JAM3: variants seen among roughly 807,000 people sequenced by gnomAD.
JAM3 encodes junctional adhesion molecule C.
Under a neutral mutation model 39.4 loss-of-function variants are expected in JAM3, and 31 were observed. That is an observed-to-expected ratio of 0.79 (90% CI 0.59 to 1.06). The LOEUF (loss-of-function observed/expected upper bound fraction) is 1.06. Among genes scored for constraint, JAM3 ranks in the 50% least tolerant of loss-of-function variants. JAM3 has a pLI of 0.00. For missense variants in JAM3, 455 were observed against 391.4 expected, an observed-to-expected ratio of 1.16 and a Z score of -1.37; for synonymous variants, 182 against 148.7, an observed-to-expected ratio of 1.22 and a Z score of -1.63.
chr11:134,077,943 C>T (rs1254330679), intron 1 of JAM3, among the ~76,000 whole-genome samples: 3 of 151,972 alleles, frequency 2.0e-5, no homozygotes, highest in Non-Finnish European at 4.4e-5. Flanking sequence ...TGAGGCACCG[C>T]GCCCGGCCAA....
intron 1 of JAM3, among the ~76,000 whole-genome samples, chr11:134,085,810 T>A (rs1470025563): frequency 6.6e-6 from 1 of 152,210 alleles, no homozygotes; most frequent in Non-Finnish European, 1.5e-5. Context: ...TAAGAGAACA[T>A]CACAGTGTAA....
Position 134,144,352 on chromosome 11 carries a change from G to A in JAM3, c.368G>A (p.Arg123His), listed in dbSNP as rs977837404. ...YRCEVVARNDRKEIDEIVIEL... is the reference protein window; with the variant it reads ...YRCEVVARNDHKEIDEIVIEL... The stretch of plus-strand genomic sequence containing the variant: ...TGTGAGGTCGTTGCTCGAAATGACC[G>A]CAAGGAAATTGATGAGATTGTGATC... The change falls in exon 4 of 9, where the codon CGC becomes CAC. Residue 123 changes from arginine to histidine, a missense_variant. By Grantham distance (29) the Arg-to-His change is conservative (BLOSUM62 0). Transcript: ENST00000299106. The A allele has an allele frequency of 8.1e-6, 13 of 1,614,110 alleles. No individual in the cohort carries two copies. Among genetic ancestry groups the A allele is most frequent in the Non-Finnish European group, 9.3e-6 (11 of 1,180,040 alleles).
intron 1 of JAM3, among the ~76,000 whole-genome samples, chr11:134,102,227 T>G (rs1942088434): frequency 1.3e-5 from 2 of 152,156 alleles, no homozygotes. Flanking sequence ...TCCTGCAGCC[T>G]CCGCTGCTGA....
At chr11:134,124,540 C>T (rs1005980848) in intron 1 of JAM3, among the ~76,000 whole-genome samples, 3 of 152,184 alleles carry the variant, frequency 2.0e-5, no homozygotes, top group African/African-American at 7.2e-5. Context: ...AATCCAAATT[C>T]AACTTGGGCC....
chr11:134,084,565 C>G (rs1941717395), intron 1 of JAM3, among the ~76,000 whole-genome samples: 1 of 149,454 alleles, frequency 6.7e-6, no homozygotes, highest in Non-Finnish European at 1.5e-5. Context: ...TAGTAGTAAG[C>G]TCTCAGTGTT....
intron 1 of JAM3, among the ~76,000 whole-genome samples, chr11:134,087,522 G>A (rs1365549777): frequency 1.3e-5 from 2 of 152,170 alleles, no homozygotes; most frequent in African/African-American, 4.8e-5. Context: ...TCATTGGAGA[G>A]CAAAATCTTG....
chr11:134,077,841 A>G (rs1941598478), intron 1 of JAM3, among the ~76,000 whole-genome samples: 2 of 151,644 alleles, frequency 1.3e-5, no homozygotes, highest in South Asian at 2.1e-4. Context: ...TAGTAGAGAC[A>G]GTGTTTCACC....
At chr11:134,106,513 GCTT>G (rs2120705978) in intron 1 of JAM3, among the ~76,000 whole-genome samples, 1 of 152,254 alleles carries the variant, frequency 6.6e-6, no homozygotes, top group South Asian at 2.1e-4. Flanking sequence ...TAATTAAAGA[GCTT>G]CTGCACAGCA....
intron 1 of JAM3, among the ~76,000 whole-genome samples, chr11:134,138,165 G>C (rs1402964577): frequency 8.3e-5 from 11 of 133,064 alleles, no homozygotes; most frequent in Non-Finnish European, 1.4e-4. Context: ...CTTAGAGCCA[G>C]TGGTGGCGTC....
chr11:134,149,142 G>C lies in JAM3; in HGVS notation c.898-4G>C. On this transcript the variant is annotated splice_polypyrimidine_tract_variant and splice_region_variant and intron_variant, in intron 8 of 8. Transcript: ENST00000299106. ...ATGGCTCTAACTGTGTGTTGGCTTT[G>C]CAGGGCGACTTCAGACACAAGTCAT... is the stretch of plus-strand genomic sequence containing the variant. 6.2e-7 allele frequency: 1 copy of C among 1,614,032 alleles called. No individual in the cohort carries two copies. The highest frequency in any genetic ancestry group is 8.5e-7 in the Non-Finnish European group (1 of 1,179,878).
chr11:134,119,777 C>T (rs960207426), intron 1 of JAM3, among the ~76,000 whole-genome samples: 9 of 152,270 alleles, frequency 5.9e-5, no homozygotes, highest in South Asian at 4.1e-4. Flanking sequence ...TCTTAAAAAC[C>T]CTCCAAGTTG....
chr11:134,072,522 C>T lies in JAM3; in HGVS notation c.76+3363C>T, dbSNP rs1303599807. On this transcript the variant is annotated intron_variant, in intron 1 of 8. Coordinates refer to ENST00000299106, the MANE Select transcript of JAM3 (RefSeq NM_032801.5). ...ATGGGGTTTCACCATGTTGGCCAGGCTGGTCTTGAACTCCTGACCTCAAGT... is the reference window on the plus strand; with the variant it reads ...ATGGGGTTTCACCATGTTGGCCAGGTTGGTCTTGAACTCCTGACCTCAAGT... 3.9e-5 allele frequency among the ~76,000 whole-genome samples: 6 copies of T among 152,276 alleles called. No homozygotes were observed. The South Asian group carries it at 6.2e-4, about 16-fold the overall frequency.
At chr11:134,146,421 C>G (rs1023638938) in intron 6 of JAM3, among the ~76,000 whole-genome samples, 2 of 151,720 alleles carry the variant, frequency 1.3e-5, no homozygotes, top group African/African-American at 4.9e-5. Flanking sequence ...CAGTTTTAGC[C>G]CGAGTAATTT....
chr11:134,097,462 T>C (rs553176779), intron 1 of JAM3, among the ~76,000 whole-genome samples: 15 of 152,184 alleles, frequency 9.9e-5, no homozygotes, highest in Non-Finnish European at 2.2e-4. Flanking sequence ...TCTGGAATCA[T>C]TTGATGAACC....
At chr11:134,078,093 G>A (rs1941603382) in intron 1 of JAM3, among the ~76,000 whole-genome samples, 1 of 151,998 alleles carries the variant, frequency 6.6e-6, no homozygotes, top group African/African-American at 2.4e-5. Context: ...GCTGGTCCAA[G>A]GGCTCAGTGT....
chr11:134,136,302 G>A (rs1481894536), intron 1 of JAM3, among the ~76,000 whole-genome samples: 1 of 152,158 alleles, frequency 6.6e-6, no homozygotes, highest in Non-Finnish European at 1.5e-5. Flanking sequence ...AGCAGCCACC[G>A]CTGCAAGTGG....
rs76159022 is a variant in JAM3 at position 134,135,084 on chromosome 11, A to G, written c.77-4767A>G. Among the ~76,000 whole-genome samples, 673 of 152,248 alleles carry G rather than the reference A, an allele frequency of 4.4e-3. 4 individuals carry two copies. The highest frequency in any genetic ancestry group is 0.016 in the African/African-American group (646 of 41,554). On this transcript the variant is annotated intron_variant, in intron 1 of 8. Coordinates refer to ENST00000299106, the MANE Select transcript of JAM3 (RefSeq NM_032801.5). ...AATCATTGCCTAACCCAGTGTCATG[A>G]AGATGTTTCTCTATGCGTTCTTCCA...
At chr11:134,134,871 TAGG>T (rs1258854222) in intron 1 of JAM3, among the ~76,000 whole-genome samples, 1 of 152,246 alleles carries the variant, frequency 6.6e-6, no homozygotes, top group Non-Finnish European at 1.5e-5. Context: ...CGGTGAGTTG[TAGG>T]AGTTCTTTAT....
intron 5 of JAM3, 28 bp from the exon 6 acceptor site, chr11:134,145,918 A>G (rs1489724031): frequency 6.6e-7 from 1 of 1,524,814 alleles, no homozygotes; most frequent in East Asian, 2.2e-5. Context: ...GATGGGTCCG[A>G]TTATTTACTT....
Sources: gnomAD v4.1 joint callset for allele counts (sites outside exome capture counted in the v4.1 genomes callset) on GRCh38, gnomAD v4.1.1 for gene constraint, MANE v1.5 for transcripts, NCBI Gene and HGNC (gene_info 2026-07-23, HGNC 2026-07-21) for gene names.